The following SNTG1 variants were observed in gnomAD, a reference collection of about 807,000 sequenced individuals.
The protein encoded by SNTG1 is gamma-1-syntrophin.
Under a neutral mutation model 74.7 loss-of-function variants are expected in SNTG1, and 39 were observed. The observed-to-expected ratio is 0.52, with a 90% confidence interval of 0.40 to 0.68. SNTG1 has a LOEUF of 0.68. Ranked by LOEUF, SNTG1 falls within the 30% of genes least tolerant of loss-of-function variation. The pLI is 0.00. For synonymous variants in SNTG1, 254 were observed against 217.1 expected, an observed-to-expected ratio of 1.17 and a Z score of -1.49; for missense variants, 685 against 609.5, an observed-to-expected ratio of 1.12 and a Z score of -1.30.
intron 15 of SNTG1, among the ~76,000 whole-genome samples, chr8:50,689,432 A>G (rs2095367640): frequency 6.6e-6 from 1 of 152,222 alleles, no homozygotes; most frequent in South Asian, 2.1e-4. Flanking sequence ...ATCAATACCT[A>G]GTTTATTGAG....
intron 15 of SNTG1, among the ~76,000 whole-genome samples, chr8:50,703,326 T>C (rs751689732): frequency 6.7e-6 from 1 of 149,066 alleles, no homozygotes; most frequent in Non-Finnish European, 1.5e-5. Flanking sequence ...TTTTGGCTTT[T>C]TAAAATTTTT....
Position 50,335,998 on chromosome 8 carries a change from T to G in SNTG1, c.-27-58214T>G, listed in dbSNP as rs528375061. On this transcript the variant is annotated intron_variant, in intron 2 of 18. Coordinates refer to ENST00000642720, the MANE Select transcript of SNTG1 (RefSeq NM_018967.5). Reference sequence around the variant, plus strand: ...CACAAAGGTCTTTCAGATGTTCTATTCTTCCTGTGTCTTCCGAATCCACCA... The same window carrying G: ...CACAAAGGTCTTTCAGATGTTCTATGCTTCCTGTGTCTTCCGAATCCACCA... Among the ~76,000 whole-genome samples, 3 of 152,240 alleles carry G rather than the reference T, an allele frequency of 2.0e-5. No individual in the cohort carries two copies. The East Asian group carries it at 5.8e-4, about 29-fold the overall frequency.
chr8:50,651,901 C>A (rs2095149132), intron 13 of SNTG1, among the ~76,000 whole-genome samples: 1 of 152,006 alleles, frequency 6.6e-6, no homozygotes, highest in Non-Finnish European at 1.5e-5. Context: ...GTCTCGGCCT[C>A]CCGAGTAGCT....
intron 4 of SNTG1, among the ~76,000 whole-genome samples, chr8:50,426,928 G>A (rs957569705): frequency 6.6e-6 from 1 of 151,974 alleles, no homozygotes; most frequent in Non-Finnish European, 1.5e-5. Flanking sequence ...TATTTATATA[G>A]AACTTACATT....
At chr8:49,964,728 T>C (rs1585686049) in intron 1 of SNTG1, among the ~76,000 whole-genome samples, 1 of 152,240 alleles carries the variant, frequency 6.6e-6, no homozygotes, top group East Asian at 1.9e-4. Context: ...ACATTTTTAT[T>C]CTATTTTCCA....
chr8:50,290,852 C>T (rs1236206247), intron 2 of SNTG1, among the ~76,000 whole-genome samples: 1 of 151,876 alleles, frequency 6.6e-6, no homozygotes, highest in East Asian at 1.9e-4. Flanking sequence ...CCTTGACTTC[C>T]CAGGTTCAAG....
chr8:50,202,892 G>GT (rs1039478245), intron 2 of SNTG1, among the ~76,000 whole-genome samples: 15 of 149,762 alleles, frequency 1.0e-4, no homozygotes, highest in Non-Finnish European at 1.6e-4. Flanking sequence ...TGTGTATTCT[G>GT]TTTTTTTGTT....
At chr8:50,433,933 A>C (rs1047761209) in intron 4 of SNTG1, among the ~76,000 whole-genome samples, 1 of 152,164 alleles carries the variant, frequency 6.6e-6, no homozygotes, top group African/African-American at 2.4e-5. Flanking sequence ...GTACATGTGC[A>C]CAACGTGCAG....
chr8:50,151,023 T>A (rs759164942), intron 1 of SNTG1, among the ~76,000 whole-genome samples: 6 of 152,344 alleles, frequency 3.9e-5, no homozygotes, highest in East Asian at 1.9e-4. Context: ...AGAATTCGGC[T>A]GTGAATCTGC....
At chr8:50,449,509 T>G (rs2131618189) in intron 5 of SNTG1, among the ~76,000 whole-genome samples, 159 bp from the exon 6 acceptor site, 1 of 152,368 alleles carries the variant, frequency 6.6e-6, no homozygotes, top group South Asian at 2.1e-4. Flanking sequence ...TAGATAATTT[T>G]CATGGGAGCA....
chr8:50,402,197 T>C lies in SNTG1; in HGVS notation c.28-13T>C. 1 of 1,582,056 alleles carries C rather than the reference T, an allele frequency of 6.3e-7. No individual in the cohort carries two copies. The highest frequency in any genetic ancestry group is 8.5e-7 in the Non-Finnish European group (1 of 1,171,754). ...TAATTTTTCCTCTGTTTGTTTTTTT[T>C]TTTAATCTGAAGACAAAGACAGGAA... On this transcript the variant is annotated splice_polypyrimidine_tract_variant and intron_variant, in intron 3 of 18. Transcript: ENST00000642720.
Position 50,584,944 on chromosome 8 carries a change from A to G in SNTG1, c.811-5935A>G, listed in dbSNP as rs932216270. Among the ~76,000 whole-genome samples, 17 of 152,038 alleles carry G rather than the reference A, an allele frequency of 1.1e-4. 1 individual carries two copies. The highest frequency in any genetic ancestry group is 1.1e-3 in the Admixed American group (17 of 15,262). ...TGTTTCTCTCTGCCTGGAAAGCCCAAAGTGCTTGGAAAGGAAAGTGCTCTC... is the reference window on the plus strand; with the variant it reads ...TGTTTCTCTCTGCCTGGAAAGCCCAGAGTGCTTGGAAAGGAAAGTGCTCTC... On this transcript the variant is annotated intron_variant, in intron 12 of 18. Coordinates refer to ENST00000642720, the MANE Select transcript of SNTG1 (RefSeq NM_018967.5).
At chr8:49,995,011 T>G (rs1287746449) in intron 1 of SNTG1, among the ~76,000 whole-genome samples, 1 of 58,004 alleles carries the variant, frequency 1.7e-5, no homozygotes, top group Non-Finnish European at 4.0e-5. Context: ...ATAAGAATGT[T>G]GAGTCCAATG....
At chr8:50,162,829 A>T (rs2082472168) in intron 1 of SNTG1, among the ~76,000 whole-genome samples, 1 of 152,058 alleles carries the variant, frequency 6.6e-6, no homozygotes, top group Non-Finnish European at 1.5e-5. Context: ...CTGGAGGTAA[A>T]CATGCCCCGG....
chr8:49,933,433 T>G (rs965518814), intron 1 of SNTG1, among the ~76,000 whole-genome samples: 2 of 152,210 alleles, frequency 1.3e-5, no homozygotes, highest in African/African-American at 2.4e-5. Context: ...TCCTAAATTT[T>G]CTTCTGAGAA....
chr8:50,517,184 C>A (rs1412294520), intron 9 of SNTG1, among the ~76,000 whole-genome samples: 1 of 152,142 alleles, frequency 6.6e-6, no homozygotes, highest in African/African-American at 2.4e-5. Flanking sequence ...AATTACATAT[C>A]CAGCCAAACT....
chr8:50,387,290 C>T (rs577569025), intron 2 of SNTG1, among the ~76,000 whole-genome samples: 31 of 152,190 alleles, frequency 2.0e-4, no homozygotes, highest in South Asian at 4.2e-4. Flanking sequence ...GAAGAGTGCC[C>T]GAAGAGCTCT....
intron 2 of SNTG1, among the ~76,000 whole-genome samples, chr8:50,350,013 C>A (rs552062943): frequency 6.6e-6 from 1 of 152,200 alleles, no homozygotes; most frequent in Non-Finnish European, 1.5e-5. Context: ...ACACTCAGAG[C>A]GGCCAGCCAG....
At chr8:50,077,367 C>T (rs566386425) in intron 1 of SNTG1, among the ~76,000 whole-genome samples, 2 of 152,214 alleles carry the variant, frequency 1.3e-5, no homozygotes, top group East Asian at 3.9e-4. Flanking sequence ...TATTATTATA[C>T]AGGATATTAC....
Sources: allele counts gnomAD v4.1 joint callset (sites outside exome capture counted in the v4.1 genomes callset), GRCh38; gene constraint gnomAD v4.1.1; transcripts MANE v1.5; gene names NCBI Gene and HGNC (gene_info 2026-07-23, HGNC 2026-07-21).